REDIC1: variants seen among roughly 807,000 people sequenced by gnomAD.
REDIC1 encodes the protein regulator of DNA class I crossover intermediates 1, also known as HEI10 Interacting Protein 1.
At chr12:39,810,244 T>G in the REDIC1 span, among the ~76,000 whole-genome samples, 1 of 152,220 alleles carries the variant, frequency 6.6e-6, no homozygotes, top group South Asian at 2.1e-4. Context: ...TTCAGTGTAG[T>G]GATCCTGTTA....
chr12:39,901,094 T>G, the REDIC1 span, among the ~76,000 whole-genome samples: 2 of 152,190 alleles, frequency 1.3e-5, no homozygotes. Context: ...GGGGAAAGGA[T>G]TCCCTATTTA....
chr12:39,677,620 C>T, the REDIC1 span, among the ~76,000 whole-genome samples: 2 of 152,166 alleles, frequency 1.3e-5, no homozygotes, highest in Admixed American at 1.3e-4. Flanking sequence ...ATATTGTACC[C>T]CAAAACTGCA....
the REDIC1 span, among the ~76,000 whole-genome samples, chr12:39,876,528 ATAAT>A: frequency 6.6e-6 from 1 of 152,196 alleles, no homozygotes; most frequent in East Asian, 1.9e-4. Flanking sequence ...GAAATTAAGA[ATAAT>A]TATATTAAAA....
At chr12:39,653,818 C>T in the REDIC1 span, among the ~76,000 whole-genome samples, 1 of 151,938 alleles carries the variant, frequency 6.6e-6, no homozygotes, top group East Asian at 1.9e-4. Flanking sequence ...TTGTAAGTGT[C>T]CTTTAACAGG....
chr12:39,869,189 G>A, the REDIC1 span, among the ~76,000 whole-genome samples: 3 of 152,180 alleles, frequency 2.0e-5, no homozygotes, highest in Non-Finnish European at 4.4e-5. Flanking sequence ...ATCAGTATAG[G>A]AATGTGAAAG....
chr12:39,755,524 T>A, the REDIC1 span: 1 of 152,152 alleles, frequency 6.6e-6, no homozygotes, highest in African/African-American at 2.4e-5. Context: ...TTTGGACGTG[T>A]AGAATATAAA....
chr12:39,636,052 T>C, the REDIC1 span, among the ~76,000 whole-genome samples: 1 of 152,144 alleles, frequency 6.6e-6, no homozygotes, highest in African/African-American at 2.4e-5. Context: ...TATATTCATT[T>C]TTTTTCTTCT....
chr12:39,826,625 A>T, the REDIC1 span, among the ~76,000 whole-genome samples: 1 of 151,432 alleles, frequency 6.6e-6, no homozygotes, highest in African/African-American at 2.4e-5. Context: ...AAGCAGAAAA[A>T]TTTTAAAAAC....
At chr12:39,687,116 G>A in the REDIC1 span, among the ~76,000 whole-genome samples, 3 of 152,116 alleles carry the variant, frequency 2.0e-5, no homozygotes, top group Non-Finnish European at 4.4e-5. Context: ...TCCACCGCCA[G>A]TCTTTACGAA....
the REDIC1 span, among the ~76,000 whole-genome samples, chr12:39,840,501 A>G: frequency 6.3e-3 from 960 of 151,978 alleles, 14 homozygotes; most frequent in African/African-American, 0.022. Context: ...CCATTTCTCC[A>G]TAGGTGCCGT....
At chr12:39,738,567 C>T in the REDIC1 span, among the ~76,000 whole-genome samples, 1 of 152,194 alleles carries the variant, frequency 6.6e-6, no homozygotes, top group African/African-American at 2.4e-5. Flanking sequence ...ACTCCTTCCA[C>T]AGAAGGTGGA....
the REDIC1 span, among the ~76,000 whole-genome samples, chr12:39,785,023 C>T: frequency 6.6e-6 from 1 of 152,118 alleles, no homozygotes; most frequent in East Asian, 1.9e-4. Context: ...AATTTGCAGC[C>T]TTATGATGTA....
At chr12:39,864,647 A>T in the REDIC1 span, 1 of 1,387,910 alleles carries the variant, frequency 7.2e-7, no homozygotes, top group Non-Finnish European at 9.7e-7. Context: ...CCCTTCTTAC[A>T]TAAGCCTGGA....
the REDIC1 span, among the ~76,000 whole-genome samples, chr12:39,705,088 T>A: frequency 2.5e-4 from 38 of 150,038 alleles, no homozygotes; most frequent in Non-Finnish European, 4.9e-4. Flanking sequence ...TAAATAAAAT[T>A]AAATTAAAAA....
chr12:39,647,743 T>C, the REDIC1 span: 2 of 1,255,560 alleles, frequency 1.6e-6, no homozygotes, highest in East Asian at 5.5e-5. Flanking sequence ...TCCTCTTCTC[T>C]AGTTTATATA....
At chr12:39,869,538 G>A in the REDIC1 span, among the ~76,000 whole-genome samples, 4 of 152,172 alleles carry the variant, frequency 2.6e-5, no homozygotes, top group African/African-American at 9.7e-5. Flanking sequence ...TTTGTAGTGG[G>A]CAGAACTGAG....
chr12:39,817,347 G>C, the REDIC1 span, among the ~76,000 whole-genome samples: 4 of 146,936 alleles, frequency 2.7e-5, no homozygotes, highest in African/African-American at 7.3e-5. Flanking sequence ...CAAGTCACAG[G>C]CAAATCCACA....
chr12:39,750,095 G>A, the REDIC1 span, among the ~76,000 whole-genome samples: 1 of 151,832 alleles, frequency 6.6e-6, no homozygotes, highest in South Asian at 2.1e-4. Context: ...AAGAAATAAA[G>A]TGTATTCAAT....
the REDIC1 span, among the ~76,000 whole-genome samples, chr12:39,750,238 G>A: frequency 3.9e-4 from 59 of 152,304 alleles, no homozygotes; most frequent in Non-Finnish European, 7.5e-4. Flanking sequence ...TACAAAATCA[G>A]TGTGCAGAAA....
Sources: gnomAD v4.1 joint callset for allele counts (sites outside exome capture counted in the v4.1 genomes callset) on GRCh38, gnomAD v4.1.1 for gene constraint, MANE v1.5 for transcripts, NCBI Gene and HGNC (gene_info 2026-07-23, HGNC 2026-07-21) for gene names.